Variants in TMBIM4 observed in about 807,000 individuals in gnomAD.
TMBIM4 encodes the protein protein lifeguard 4.
TMBIM4 carries 28 observed loss-of-function variants against 27.7 expected under a neutral mutation model. The ratio of observed to expected loss-of-function variants is 1.01; its 90% CI spans 0.75 to 1.38. The LOEUF is 1.38. TMBIM4 is among the 40% of genes most tolerant of loss of function. The pLI is 0.00. For missense variants in TMBIM4, 265 were observed against 277.5 expected (o/e 0.95, Z 0.32); for synonymous variants, 115 against 113.1 (o/e 1.02, Z -0.11).
intron 4 of TMBIM4, among the ~76,000 whole-genome samples, chr12:66,146,165 A>G (rs974801252): frequency 1.2e-4 from 18 of 152,180 alleles, no homozygotes; most frequent in Admixed American, 8.5e-4. Flanking sequence ...AAATTCATTC[A>G]TACAAAATCA....
At chr12:66,146,533 T>C (rs2051754818) in intron 4 of TMBIM4, among the ~76,000 whole-genome samples, 1 of 152,306 alleles carries the variant, frequency 6.6e-6, no homozygotes, top group Admixed American at 6.5e-5. Flanking sequence ...CTGCTTTATA[T>C]CCAAATGTGT....
chr12:66,147,987 C>T, intron 3 of TMBIM4, 46 bp from the exon 4 acceptor site: 3 of 1,542,886 alleles, frequency 1.9e-6, no homozygotes, highest in South Asian at 1.2e-5. Context: ...TTTATACTAT[C>T]TCATGTACAT....
At chr12:66,159,765 G>A (rs1287262742) in intron 1 of TMBIM4, among the ~76,000 whole-genome samples, 5 of 152,150 alleles carry the variant, frequency 3.3e-5, no homozygotes, top group East Asian at 3.9e-4. Flanking sequence ...TTTCTTCAGC[G>A]CTAGAGGGTT....
chr12:66,151,313 A>G (rs1177023483), intron 3 of TMBIM4, among the ~76,000 whole-genome samples: 2 of 152,118 alleles, frequency 1.3e-5, no homozygotes, highest in African/African-American at 4.8e-5. Flanking sequence ...AGCTCACTGC[A>G]GCCTCCACCC....
intron 1 of TMBIM4, among the ~76,000 whole-genome samples, chr12:66,164,395 A>G (rs1231806225): frequency 6.6e-6 from 1 of 152,226 alleles, no homozygotes; most frequent in Admixed American, 6.5e-5. Context: ...ACCAGAGGGA[A>G]AGGGTGATTC....
chr12:66,144,984 G>A (rs540966974), intron 5 of TMBIM4, among the ~76,000 whole-genome samples: 5 of 152,194 alleles, frequency 3.3e-5, no homozygotes, highest in African/African-American at 1.2e-4. Flanking sequence ...GTTGAGAAGA[G>A]GAAGTAGAAC....
chr12:66,163,671 C>A (rs1031207209), intron 1 of TMBIM4, among the ~76,000 whole-genome samples: 1 of 152,182 alleles, frequency 6.6e-6, no homozygotes, highest in Non-Finnish European at 1.5e-5. Flanking sequence ...GGAATGACAA[C>A]TCAAGGTGAG....
At position 66,136,315 on chromosome 12, in the gene TMBIM4, C is replaced by T. The variant is rs1333513302; in HGVS notation, c.*1645G>A. 6.6e-6 allele frequency: 1 copy of T among 152,390 alleles called. No homozygotes were observed. Among genetic ancestry groups the T allele is most frequent in the Non-Finnish European group, 1.5e-5 (1 of 68,114 alleles). 9.4% of individuals were successfully genotyped at this position (152,390 alleles called of 1,614,324 possible). A position where few individuals can be genotyped will look rare whatever the true frequency, so the allele number is the denominator to read the frequency against. On this transcript the variant is annotated 3_prime_UTR_variant, in exon 7 of 7. Transcript: ENST00000358230. ...TTCTAATCTAGATGCTCTTACCCAC[C>T]ATGCTGTTAAACTTGATTGCACTGC...
chr12:66,160,761 G>A (rs1222640428), intron 1 of TMBIM4, among the ~76,000 whole-genome samples: 1 of 152,246 alleles, frequency 6.6e-6, no homozygotes, highest in Non-Finnish European at 1.5e-5. Flanking sequence ...TTGCACAGCG[G>A]CCGAGCAGAG....
At chr12:66,152,212 G>T (rs2051856122) in intron 3 of TMBIM4, 59 bp downstream of exon 3, 2 of 977,194 alleles carry the variant, frequency 2.0e-6, no homozygotes, top group Non-Finnish European at 3.0e-6. Context: ...TATTATATAT[G>T]CATTTATTTA....
At chr12:66,169,308 G>C (rs994211856) in intron 1 of TMBIM4, 4 of 694,936 alleles carry the variant, frequency 5.8e-6, no homozygotes, top group Non-Finnish European at 1.0e-5. Flanking sequence ...CTTCTGTGTT[G>C]AGCAACTTCC....
chr12:66,152,424 G>C (rs774526624), intron 2 of TMBIM4, 48 bp from the exon 3 acceptor site: 1 of 1,265,688 alleles, frequency 7.9e-7, no homozygotes, highest in Admixed American at 1.9e-5. Context: ...AAAATAGCAT[G>C]AGCAGTATTA....
intron 3 of TMBIM4, among the ~76,000 whole-genome samples, chr12:66,150,422 C>CT: frequency 6.7e-6 from 1 of 148,396 alleles, no homozygotes; most frequent in South Asian, 2.1e-4. Flanking sequence ...CTCCCACCCC[C>CT]CTTTCTTTTT....
At chr12:66,138,205 G>A (rs1264732640) in intron 6 of TMBIM4, 39 bp from the exon 7 acceptor site, 2 of 1,584,332 alleles carry the variant, frequency 1.3e-6, no homozygotes, top group African/African-American at 2.7e-5. Context: ...TTATATTTGA[G>A]AACAGTATTA....
At chr12:66,152,023 A>T (rs2051852855) in intron 3 of TMBIM4, among the ~76,000 whole-genome samples, 1 of 152,208 alleles carries the variant, frequency 6.6e-6, no homozygotes, top group South Asian at 2.1e-4. Flanking sequence ...GCCAAGTGTC[A>T]CATAATCAGA....
chr12:66,168,445 C>T (rs2052171520), intron 1 of TMBIM4, among the ~76,000 whole-genome samples: 1 of 151,940 alleles, frequency 6.6e-6, no homozygotes. Flanking sequence ...TTAAAAAGTT[C>T]TGGATATTGG....
At chr12:66,159,505 T>C (rs906300393) in intron 1 of TMBIM4, among the ~76,000 whole-genome samples, 11 of 152,150 alleles carry the variant, frequency 7.2e-5, no homozygotes, top group African/African-American at 2.7e-4. Flanking sequence ...TGAGAGACCC[T>C]GAGTCAGAAC....
In TMBIM4 at chr12:66,169,915, T is replaced by C. The variant is rs1220362714; in HGVS notation, c.37A>G (p.Ile13Val). Residue 13 changes from isoleucine (I) to valine (V), a missense_variant, in exon 1 of 7, where the codon ATC (isoleucine) becomes GTC (valine). Physicochemically the swap from Ile to Val is conservative, Grantham distance 29 (BLOSUM62 3). Transcript: ENST00000358230. ...CTGCCATAGTTGAAGTCGTCCTCGA[T>C]CGAGGAGCGAGGGTACCGGGGGTCG... is the stretch of plus-strand genomic sequence containing the variant. ...DPDPRYPRSS[I>V]EDDFNYGSSV... 6 of 1,496,202 alleles carry C rather than the reference T, an allele frequency of 4.0e-6. No homozygotes were observed. Among genetic ancestry groups the C allele is most frequent in the Non-Finnish European group, 5.3e-6 (6 of 1,124,922 alleles). 92.7% of individuals were successfully genotyped at this position (1,496,202 alleles called of 1,614,324 possible). A position where few individuals can be genotyped will look rare whatever the true frequency, so the allele number is the denominator to read the frequency against.
intron 1 of TMBIM4, among the ~76,000 whole-genome samples, chr12:66,161,697 G>A (rs2052043503): frequency 6.6e-6 from 1 of 152,204 alleles, no homozygotes; most frequent in Non-Finnish European, 1.5e-5. Context: ...AATATTTGTG[G>A]TGAACAAATA....
Sources: allele counts gnomAD v4.1 joint callset (sites outside exome capture counted in the v4.1 genomes callset), GRCh38; gene constraint gnomAD v4.1.1; transcripts MANE v1.5; gene names NCBI Gene and HGNC (gene_info 2026-07-23, HGNC 2026-07-21).